Variants in TMEM132E observed in about 807,000 individuals in gnomAD.
TMEM132E encodes transmembrane protein 132E.
Under a neutral mutation model 78.5 loss-of-function variants are expected in TMEM132E, and 49 were observed. The ratio of observed to expected loss-of-function variants is 0.62; its 90% CI spans 0.50 to 0.79. The LOEUF (loss-of-function observed/expected upper bound fraction) is 0.79. Ranked by LOEUF, TMEM132E falls within the 30% of genes least tolerant of loss-of-function variation. The pLI is 0.00. For missense variants in TMEM132E, 1,403 were observed against 1,470.9 expected, an observed-to-expected ratio of 0.95 and a Z score of 0.75; for synonymous variants, 715 against 670.6, an observed-to-expected ratio of 1.07 and a Z score of -1.02.
At position 34,637,728 on chromosome 17, in the gene TMEM132E, C is replaced by T; in HGVS notation, c.2721C>T (p.Ile907=). 1.2e-6 allele frequency: 2 copies of T among 1,613,598 alleles called. No individual in the cohort carries two copies. The highest frequency in any genetic ancestry group is 1.3e-5 in the African/African-American group (1 of 75,062). Residue 907 remains isoleucine (I), a synonymous_variant, in exon 9 of 9, where the codon ATC becomes ATT. Transcript: ENST00000631683. The part of the protein sequence containing the change: ...VFCLAILVFL[I]NCIVFVLRYR... Reference sequence around the variant, plus strand: ...GCCTCGCCATCCTCGTCTTCCTCATCAACTGCATCGTTTTTGTGCTGCGCT... The same window carrying T: ...GCCTCGCCATCCTCGTCTTCCTCATTAACTGCATCGTTTTTGTGCTGCGCT...
chr17:34,581,332 C>T (rs905277547), intron 1 of TMEM132E, among the ~76,000 whole-genome samples, 189 bp downstream of exon 1: 8 of 150,178 alleles, frequency 5.3e-5, no homozygotes, highest in Non-Finnish European at 1.0e-4. Context: ...CTGAGGGGAC[C>T]GAGCCCGGCG....
rs139211243 is a variant in TMEM132E at position 34,613,903 on chromosome 17, C to T, written c.68-12224C>T. Among the ~76,000 whole-genome samples, 143 of 152,290 alleles carry T rather than the reference C, an allele frequency of 9.4e-4. 5 individuals carry two copies. The East Asian group carries it at 0.021, about 22-fold the overall frequency. On this transcript the variant is annotated intron_variant, in intron 1 of 8. Coordinates refer to ENST00000631683, the MANE Select transcript of TMEM132E (RefSeq NM_001304438.2). Reference sequence around the variant, plus strand: ...CTGCTGCCTTCCCTGACACTCCCCGCCCCCAAACACAACCCACTGTTTTTG... The same window carrying T: ...CTGCTGCCTTCCCTGACACTCCCCGTCCCCAAACACAACCCACTGTTTTTG...
Position 34,626,660 on chromosome 17 carries a change from G to A in TMEM132E, c.601G>A (p.Gly201Arg). ...GGCAGAGCTGCCCCTGGCCTGGTTC[G>A]GGCCCCCAGCCCCCGCTGCGCCACC... ...VRAELPLAWF[G>R]PPAPAAPPTA... Residue 201 changes from glycine (G) to arginine (R), a missense_variant, in exon 2 of 9, where the codon GGG becomes AGG. Physicochemically the swap from Gly to Arg is moderately radical, Grantham distance 125. Around this residue, in one of 3 missense-constraint regions of TMEM132E, gnomAD observed 511 missense variants for 499.0 expected, o/e 1.02. Transcript: ENST00000631683. 2 of 1,417,506 alleles carry A rather than the reference G, an allele frequency of 1.4e-6. No individual in the cohort carries two copies. The highest frequency in any genetic ancestry group is 1.8e-6 in the Non-Finnish European group (2 of 1,086,066). The allele number at this position is 1,417,506 out of a possible 1,614,324, so 87.8% of individuals were successfully genotyped here. A position where few individuals can be genotyped will look rare whatever the true frequency, so the allele number is the denominator to read the frequency against.
At chr17:34,612,542 T>C (rs956922337) in intron 1 of TMEM132E, among the ~76,000 whole-genome samples, 6 of 152,186 alleles carry the variant, frequency 3.9e-5, no homozygotes, top group African/African-American at 1.4e-4. Flanking sequence ...TGAACAAATA[T>C]CTTCCCTTTT....
chr17:34,614,089 G>T (rs1906699480), intron 1 of TMEM132E, among the ~76,000 whole-genome samples: 1 of 152,208 alleles, frequency 6.6e-6, no homozygotes, highest in South Asian at 2.1e-4. Flanking sequence ...GGGGGTGAAG[G>T]TGAGGGCTCT....
intron 1 of TMEM132E, among the ~76,000 whole-genome samples, chr17:34,612,362 G>A (rs1309792953): frequency 2.0e-5 from 3 of 152,180 alleles, no homozygotes; most frequent in East Asian, 1.9e-4. Context: ...GAGGGGCTTG[G>A]AATGTGCTCT....
At chr17:34,629,976 C>T in intron 4 of TMEM132E, 32 bp from the exon 5 acceptor site, 2 of 1,579,128 alleles carry the variant, frequency 1.3e-6, no homozygotes, top group Non-Finnish European at 1.7e-6. Flanking sequence ...AAGGGGACCA[C>T]AAGTAGAGCC....
chr17:34,635,126 C>T (rs370949147), intron 7 of TMEM132E, 39 bp downstream of exon 7: 53 of 1,545,540 alleles, frequency 3.4e-5, no homozygotes, highest in African/African-American at 1.8e-4. Context: ...GGGGCAGTGT[C>T]GGGAGCCTTA....
rs1372992207 is a variant in TMEM132E at position 34,626,490 on chromosome 17, T to A, written c.431T>A (p.Val144Glu). ...CCCGCCTCGCAGCCCGTGGTCCAGGTGCTGTTCTACGTAGCCGGCCGGGAC... is the reference window on the plus strand; with the variant it reads ...CCCGCCTCGCAGCCCGTGGTCCAGGAGCTGTTCTACGTAGCCGGCCGGGAC... The part of the protein sequence containing the change: ...HVPASQPVVQ[V>E]LFYVAGRDWD... The change falls in exon 2 of 9, where the codon GTG becomes GAG. Residue 144 changes from valine (V) to glutamate (E), a missense_variant. Coordinates refer to ENST00000631683, the MANE Select transcript of TMEM132E (RefSeq NM_001304438.2). The A allele has an allele frequency of 1.2e-6, 2 of 1,611,928 alleles. No individual in the cohort carries two copies. The highest frequency in any genetic ancestry group is 1.7e-6 in the Non-Finnish European group (2 of 1,179,748).
Position 34,630,086 on chromosome 17 carries a change from A to G in TMEM132E, c.1417A>G (p.Asn473Asp). The stretch of plus-strand genomic sequence containing the variant: ...TGTCAAGGTCATTGCCATCGAGGTG[A>G]ATGGCCTCGTCCTGGACATCTCCGC... The part of the protein sequence containing the change: ...IPVKVIAIEV[N>D]GLVLDISALV... Residue 473 changes from asparagine to aspartate, a missense_variant, in exon 5 of 9, where the codon AAT becomes GAT. Around this residue, in one of 3 missense-constraint regions of TMEM132E, gnomAD observed 888 missense variants for 952.8 expected, o/e 0.93. Transcript: ENST00000631683. 1 of 1,613,706 alleles carries G rather than the reference A, an allele frequency of 6.2e-7. No homozygotes were observed. Among genetic ancestry groups the G allele is most frequent in the Non-Finnish European group, 8.5e-7 (1 of 1,179,688 alleles).
At chr17:34,627,904 G>C (rs932444869) in intron 2 of TMEM132E, among the ~76,000 whole-genome samples, 2 of 152,184 alleles carry the variant, frequency 1.3e-5, no homozygotes, top group African/African-American at 4.8e-5. Flanking sequence ...GAGATCTTGG[G>C]CTGCATTAAT....
intron 1 of TMEM132E, among the ~76,000 whole-genome samples, chr17:34,587,802 T>A (rs1164681644): frequency 6.6e-6 from 1 of 152,216 alleles, no homozygotes; most frequent in East Asian, 1.9e-4. Context: ...GCAGTTCAGA[T>A]CCATGATGGC....
At chr17:34,597,475 A>T (rs529637485) in intron 1 of TMEM132E, among the ~76,000 whole-genome samples, 45 of 152,220 alleles carry the variant, frequency 3.0e-4, no homozygotes, top group Admixed American at 2.6e-3. Flanking sequence ...CATTCATTCA[A>T]TTCTGCAAAG....
Position 34,626,721 on chromosome 17 carries a change from C to G in TMEM132E, c.662C>G (p.Pro221Arg). Residue 221 changes from proline (P) to arginine (R), a missense_variant, in exon 2 of 9, where the codon CCC (proline) becomes CGC (arginine). By Grantham distance (103) the Pro-to-Arg change is moderately radical. Around this residue, in one of 3 missense-constraint regions of TMEM132E, gnomAD observed 511 missense variants for 499.0 expected, o/e 1.02. Coordinates refer to ENST00000631683, the MANE Select transcript of TMEM132E (RefSeq NM_001304438.2). ...ARRKSPDGLEPEATGESQQAE... is the reference protein window; with the variant it reads ...ARRKSPDGLEREATGESQQAE... ...CGCAAGTCCCCGGACGGGCTGGAGC[C>G]CGAGGCGACGGGGGAGAGCCAGCAG... is the stretch of plus-strand genomic sequence containing the variant. 7.3e-7 allele frequency: 1 copy of G among 1,379,018 alleles called. No individual in the cohort carries two copies. The highest frequency in any genetic ancestry group is 9.5e-7 in the Non-Finnish European group (1 of 1,050,172). The allele number at this position is 1,379,018 out of a possible 1,614,324, so 85.4% of individuals were successfully genotyped here. A position where few individuals can be genotyped will look rare whatever the true frequency, so the allele number is the denominator to read the frequency against.
chr17:34,633,946 G>A (rs934700587), intron 6 of TMEM132E, among the ~76,000 whole-genome samples: 8 of 152,194 alleles, frequency 5.3e-5, no homozygotes, highest in Non-Finnish European at 8.8e-5. Context: ...GTAAACTTGG[G>A]CTACTTACAT....
At position 34,628,659 on chromosome 17, in the gene TMEM132E, A is replaced by C; in HGVS notation, c.1095A>C (p.Ser365=). 1 of 1,613,200 alleles carries C rather than the reference A, an allele frequency of 6.2e-7. No individual in the cohort carries two copies. The highest frequency in any genetic ancestry group is 8.5e-7 in the Non-Finnish European group (1 of 1,179,680). Residue 365 remains serine, a synonymous_variant, in exon 3 of 9, where the codon TCA becomes TCC. Coordinates refer to ENST00000631683, the MANE Select transcript of TMEM132E (RefSeq NM_001304438.2). ...AGCTGCTGACTGGGGCAAAGCACTCAACAGCCACCGTGGATGTGGCCTGGG... is the reference window on the plus strand; with the variant it reads ...AGCTGCTGACTGGGGCAAAGCACTCCACAGCCACCGTGGATGTGGCCTGGG... The part of the protein sequence containing the change: ...TSELLTGAKH[S]TATVDVAWAQ...
intron 8 of TMEM132E, among the ~76,000 whole-genome samples, chr17:34,636,892 G>T (rs1311129668): frequency 6.6e-6 from 1 of 152,108 alleles, no homozygotes; most frequent in East Asian, 1.9e-4. Context: ...TTACCTTTAG[G>T]TTATCCAGGG....
At chr17:34,585,853 G>A (rs953191286) in intron 1 of TMEM132E, among the ~76,000 whole-genome samples, 1 of 152,196 alleles carries the variant, frequency 6.6e-6, no homozygotes, top group Non-Finnish European at 1.5e-5. Context: ...GTCCAACTGG[G>A]GGGAATGAGA....
intron 1 of TMEM132E, among the ~76,000 whole-genome samples, chr17:34,588,555 T>C (rs1421324636): frequency 1.3e-5 from 2 of 152,232 alleles, no homozygotes; most frequent in African/African-American, 2.4e-5. Context: ...AGCACTGTTC[T>C]AGGCATTTGG....
Sources: allele counts gnomAD v4.1 joint callset (sites outside exome capture counted in the v4.1 genomes callset), GRCh38; gene constraint gnomAD v4.1.1; regional missense constraint gnomAD v4.1.1; transcripts MANE v1.5; gene names NCBI Gene and HGNC (gene_info 2026-07-23, HGNC 2026-07-21).